The following CD2AP variants were observed in gnomAD, a reference collection of about 807,000 sequenced individuals.
CD2AP encodes CD2 associated protein.
A neutral mutation model predicts 85.1 loss-of-function variants in CD2AP; 46 were observed. The ratio of observed to expected loss-of-function variants is 0.54; its 90% confidence interval spans 0.43 to 0.69. The LOEUF (loss-of-function observed/expected upper bound fraction) is 0.69, where lower values mean the gene tolerates loss of function less well. Among genes scored for constraint, CD2AP ranks in the 30% least tolerant of loss-of-function variants. CD2AP has a pLI of 0.00. For synonymous variants in CD2AP, 255 were observed against 252.9 expected (o/e 1.01, Z -0.08); for missense variants, 769 against 729.5 (o/e 1.05, Z -0.62).
At chr6:47,541,187 G>A (rs1412913667) in intron 3 of CD2AP, among the ~76,000 whole-genome samples, 1 of 152,056 alleles carries the variant, frequency 6.6e-6, no homozygotes, top group East Asian at 1.9e-4. Context: ...GCAGTGGCAC[G>A]ATCTCAGCTC....
At chr6:47,490,304 A>C (rs904374630) in intron 1 of CD2AP, among the ~76,000 whole-genome samples, 1 of 152,150 alleles carries the variant, frequency 6.6e-6, no homozygotes, top group African/African-American at 2.4e-5. Context: ...CTTTTAACAA[A>C]TTTTAACTGT....
intron 16 of CD2AP, 65 bp downstream of exon 16, chr6:47,609,369 C>T (rs1315315918): frequency 4.6e-6 from 6 of 1,300,554 alleles, no homozygotes; most frequent in East Asian, 2.3e-5. Context: ...TTTTTTCAAA[C>T]CATATTAAGT....
Position 47,574,091 on chromosome 6 carries a change from C to G in CD2AP, c.569C>G (p.Pro190Arg), listed in dbSNP as rs774852008. 3.7e-6 allele frequency: 6 copies of G among 1,614,030 alleles called. No homozygotes were observed. The East Asian group carries it at 1.3e-4, about 36-fold the overall frequency. The change falls in exon 6 of 18, where the codon CCT becomes CGT. Residue 190 changes from proline (P) to arginine (R), a missense_variant. Coordinates refer to ENST00000359314, the MANE Select transcript of CD2AP (RefSeq NM_012120.3). Reference sequence around the variant, plus strand: ...ACTGTTTTGGCTGGGCCTACTTCACCTATACCTTCTCTGGGAAATGTGAGT... The same window carrying G: ...ACTGTTTTGGCTGGGCCTACTTCACGTATACCTTCTCTGGGAAATGTGAGT... ...SETVLAGPTS[P>R]IPSLGNVSET...
Position 47,535,898 on chromosome 6 carries a change from A to G in CD2AP, c.319+2143A>G, listed in dbSNP as rs146054713. On this transcript the variant is annotated intron_variant, in intron 3 of 17. Transcript: ENST00000359314. The stretch of plus-strand genomic sequence containing the variant: ...CTATAAAGGGATAAGTTTCTTCTTA[A>G]GTAGAAGTTAGACAAAGAGGTTGAA... Among the ~76,000 whole-genome samples the G allele has an allele frequency of 3.0e-3, 450 of 152,336 alleles. 3 individuals are homozygous for G. Among genetic ancestry groups the G allele is most frequent in the African/African-American group, 0.01 (424 of 41,576 alleles).
At chr6:47,538,426 G>A (rs926518538) in intron 3 of CD2AP, among the ~76,000 whole-genome samples, 4 of 151,796 alleles carry the variant, frequency 2.6e-5, no homozygotes, top group Non-Finnish European at 5.9e-5. Flanking sequence ...ATTTTTAGTA[G>A]AGACAGGGTT....
At chr6:47,510,610 A>G (rs1055702501) in intron 2 of CD2AP, among the ~76,000 whole-genome samples, 3 of 152,262 alleles carry the variant, frequency 2.0e-5, no homozygotes, top group Non-Finnish European at 4.4e-5. Context: ...TGTAAAATAC[A>G]GCATAAGTAT....
chr6:47,478,136 A>C lies in CD2AP; in HGVS notation c.-109A>C, dbSNP rs1765350632. ...GCCCCGCCTGAGCTCAGGAGGGGCT[A>C]GCGCGGAGCGCGGGTCCCGCCTCCA... On this transcript the variant is annotated 5_prime_UTR_variant, in exon 1 of 18. Coordinates refer to ENST00000359314, the MANE Select transcript of CD2AP (RefSeq NM_012120.3). The C allele has an allele frequency of 2.1e-6, 3 of 1,399,188 alleles. No homozygotes were observed. The highest frequency in any genetic ancestry group is 3.0e-6 in the Non-Finnish European group (3 of 1,011,370). 86.7% of individuals were successfully genotyped at this position (1,399,188 alleles called of 1,614,324 possible). A position where few individuals can be genotyped will look rare whatever the true frequency, so the allele number is the denominator to read the frequency against.
chr6:47,513,217 C>G (rs1482038022), intron 2 of CD2AP, among the ~76,000 whole-genome samples: 2 of 148,088 alleles, frequency 1.4e-5, no homozygotes, highest in African/African-American at 5.0e-5. Context: ...GTTTACAGTT[C>G]TGGCATTGAG....
At chr6:47,540,143 A>G (rs1404167607) in intron 3 of CD2AP, among the ~76,000 whole-genome samples, 1 of 149,648 alleles carries the variant, frequency 6.7e-6, no homozygotes, top group Non-Finnish European at 1.5e-5. Context: ...AGTTCTTACT[A>G]CTGCCTGGGT....
chr6:47,595,434 T>A (rs528772625), intron 11 of CD2AP, among the ~76,000 whole-genome samples: 1 of 152,092 alleles, frequency 6.6e-6, no homozygotes, highest in East Asian at 1.9e-4. Context: ...ATTTGAATGT[T>A]ATATAGGACT....
At chr6:47,616,597 A>G (rs538791925) in intron 17 of CD2AP, among the ~76,000 whole-genome samples, 1 of 152,192 alleles carries the variant, frequency 6.6e-6, no homozygotes, top group Non-Finnish European at 1.5e-5. Context: ...ACTACTTTGC[A>G]TGAAAATACT....
chr6:47,544,493 C>T lies in CD2AP; in HGVS notation c.320-113C>T, dbSNP rs6915993. The T allele has an allele frequency of 0.63, 457,869 of 723,086 alleles. 149,055 individuals carry two copies. The highest frequency in any genetic ancestry group is 0.7 in the Middle Eastern group (1,846 of 2,654). The allele number at this position is 723,086 out of a possible 1,614,324, so 44.8% of individuals were successfully genotyped here. A position where few individuals can be genotyped will look rare whatever the true frequency, so the allele number is the denominator to read the frequency against. On this transcript the variant is annotated intron_variant, in intron 3 of 17. Coordinates refer to ENST00000359314, the MANE Select transcript of CD2AP (RefSeq NM_012120.3). ...TGATTAGCTGTTTAGAATGCTCATA[C>T]GTTCTGTTTTTATTTATTTATATAA...
intron 11 of CD2AP, among the ~76,000 whole-genome samples, chr6:47,588,227 T>C (rs548642349): frequency 3.0e-4 from 45 of 152,138 alleles, no homozygotes; most frequent in Non-Finnish European, 5.6e-4. Context: ...TAAAAGTAGG[T>C]ATTTCTCATT....
At chr6:47,548,994 A>T (rs1767441932) in intron 4 of CD2AP, among the ~76,000 whole-genome samples, 5 of 152,202 alleles carry the variant, frequency 3.3e-5, no homozygotes, top group African/African-American at 1.2e-4. Flanking sequence ...CATTAGACAA[A>T]ATCCAGCATC....
chr6:47,553,921 T>G (rs1487503670), intron 4 of CD2AP, among the ~76,000 whole-genome samples: 4 of 152,154 alleles, frequency 2.6e-5, no homozygotes, highest in African/African-American at 7.2e-5. Flanking sequence ...GTAATAGGTT[T>G]AGCAATTTTC....
intron 1 of CD2AP, among the ~76,000 whole-genome samples, chr6:47,490,922 T>A (rs1765715299): frequency 6.6e-6 from 1 of 152,158 alleles, no homozygotes; most frequent in Non-Finnish European, 1.5e-5. Context: ...GAAAAACATG[T>A]AAGAAATGCT....
intron 5 of CD2AP, among the ~76,000 whole-genome samples, chr6:47,573,615 A>G (rs1582576461): frequency 6.6e-6 from 1 of 151,310 alleles, no homozygotes; most frequent in East Asian, 2.0e-4. Flanking sequence ...TAGCCTCCCG[A>G]GTAGCTGGGA....
intron 17 of CD2AP, among the ~76,000 whole-genome samples, chr6:47,622,481 C>T (rs1432566115): frequency 6.6e-6 from 1 of 152,188 alleles, no homozygotes; most frequent in Admixed American, 6.5e-5. Flanking sequence ...CAGGAATGGC[C>T]TGCTTGGGGA....
At chr6:47,496,064 T>A (rs554064106) in intron 1 of CD2AP, among the ~76,000 whole-genome samples, 1 of 152,286 alleles carries the variant, frequency 6.6e-6, no homozygotes, top group Non-Finnish European at 1.5e-5. Flanking sequence ...TCTTTTGTTT[T>A]TCCTTTCTTT....
Sources: gnomAD v4.1 joint callset for allele counts (sites outside exome capture counted in the v4.1 genomes callset) on GRCh38, gnomAD v4.1.1 for gene constraint, MANE v1.5 for transcripts, NCBI Gene and HGNC (gene_info 2026-07-23, HGNC 2026-07-21) for gene names.